Variants in NTM observed in about 807,000 individuals in gnomAD.
NTM encodes the protein neurotrimin, also known as IgLON family member 2.
Under a neutral mutation model 42.1 loss-of-function variants are expected in NTM, and 13 were observed. The observed-to-expected ratio is 0.31, with a 90% confidence interval of 0.20 to 0.49. The LOEUF is 0.49. Among genes scored for constraint, NTM ranks in the 20% least tolerant of loss-of-function variants. The pLI, the probability that NTM is intolerant of heterozygous loss-of-function variation, is 0.99. For missense variants in NTM, 373 were observed against 452.8 expected, an observed-to-expected ratio of 0.82 and a Z score of 1.60; for synonymous variants, 187 against 179.2, an observed-to-expected ratio of 1.04 and a Z score of -0.35.
At chr11:132,212,184 A>G (rs2082958011) in intron 4 of NTM, 37 bp downstream of exon 4, 1 of 1,586,146 alleles carries the variant, frequency 6.3e-7, no homozygotes, top group South Asian at 1.1e-5. Flanking sequence ...TCATGAGGAT[A>G]AATGGGGGAA....
intron 1 of NTM, among the ~76,000 whole-genome samples, chr11:131,864,059 G>T (rs1205442147): frequency 6.6e-6 from 1 of 152,126 alleles, no homozygotes; most frequent in Non-Finnish European, 1.5e-5. Context: ...GGTCAGGGAG[G>T]AAAGGAGGGA....
chr11:131,926,278 A>T (rs1427296065), intron 2 of NTM, among the ~76,000 whole-genome samples: 1 of 152,186 alleles, frequency 6.6e-6, no homozygotes, highest in East Asian at 1.9e-4. Flanking sequence ...AAGCTGCACA[A>T]CTGTACTTAG....
intron 1 of NTM, among the ~76,000 whole-genome samples, chr11:131,758,269 C>T (rs576081498): frequency 5.9e-5 from 9 of 152,028 alleles, no homozygotes; most frequent in Admixed American, 2.6e-4. Context: ...CCCTCCCCCC[C>T]GCCAACCCCG....
intron 1 of NTM, among the ~76,000 whole-genome samples, chr11:131,675,405 T>G (rs1344214940): frequency 6.6e-6 from 1 of 152,256 alleles, no homozygotes; most frequent in Admixed American, 6.5e-5. Flanking sequence ...TAATACAGAC[T>G]GAACCTTTGC....
At chr11:131,963,265 A>G (rs1386054411) in intron 2 of NTM, among the ~76,000 whole-genome samples, 1 of 152,202 alleles carries the variant, frequency 6.6e-6, no homozygotes, top group African/African-American at 2.4e-5. Context: ...GAGCAGCGCA[A>G]ATGGAGGCTA....
At chr11:132,085,541 A>G (rs993706582) in intron 2 of NTM, among the ~76,000 whole-genome samples, 1 of 152,248 alleles carries the variant, frequency 6.6e-6, no homozygotes, top group Non-Finnish European at 1.5e-5. Context: ...CAACATTTGC[A>G]TTTTACCAGT....
chr11:131,622,260 G>T (rs1257017946), intron 1 of NTM, among the ~76,000 whole-genome samples: 1 of 152,158 alleles, frequency 6.6e-6, no homozygotes, highest in African/African-American at 2.4e-5. Context: ...CCGTGAGCTG[G>T]TAAGAACAGA....
At chr11:132,246,325 AC>A (rs557864671) in intron 4 of NTM, among the ~76,000 whole-genome samples, 12 of 152,298 alleles carry the variant, frequency 7.9e-5, no homozygotes, top group Admixed American at 5.2e-4. Context: ...TGAAAGTCAA[AC>A]AGTTCGTTCT....
chr11:131,744,267 A>G (rs563813539), intron 1 of NTM, among the ~76,000 whole-genome samples: 1 of 152,230 alleles, frequency 6.6e-6, no homozygotes, highest in East Asian at 1.9e-4. Flanking sequence ...ATAATTTGCA[A>G]TTTAACATCT....
chr11:131,855,510 A>G (rs934032199), intron 1 of NTM, among the ~76,000 whole-genome samples: 2 of 152,208 alleles, frequency 1.3e-5, no homozygotes, highest in Non-Finnish European at 2.9e-5. Flanking sequence ...ACACAAAAAA[A>G]CAAAGCTTTC....
At chr11:131,568,741 G>A (rs1365370307) in intron 1 of NTM, among the ~76,000 whole-genome samples, 3 of 152,152 alleles carry the variant, frequency 2.0e-5, no homozygotes, top group Non-Finnish European at 4.4e-5. Context: ...ACGGCCAGTT[G>A]AGTATGGAGC....
intron 2 of NTM, among the ~76,000 whole-genome samples, chr11:132,103,920 A>C (rs1003277498): frequency 1.3e-5 from 2 of 152,238 alleles, no homozygotes; most frequent in Non-Finnish European, 2.9e-5. Context: ...AGTGGCCTTC[A>C]TCAGCAGACC....
chr11:132,296,176 T>C (rs2094602490), intron 4 of NTM, among the ~76,000 whole-genome samples: 1 of 152,102 alleles, frequency 6.6e-6, no homozygotes, highest in African/African-American at 2.4e-5. Flanking sequence ...CTGGGAAGCA[T>C]ACAGAGTAGG....
chr11:131,936,149 G>A (rs1489844648), intron 2 of NTM, among the ~76,000 whole-genome samples: 1 of 152,144 alleles, frequency 6.6e-6, no homozygotes, highest in Non-Finnish European at 1.5e-5. Context: ...AGCATTCTCA[G>A]TCTCTCAAGG....
intron 2 of NTM, among the ~76,000 whole-genome samples, chr11:132,035,586 A>G (rs143644661): frequency 6.6e-6 from 1 of 152,308 alleles, no homozygotes; most frequent in Non-Finnish European, 1.5e-5. Flanking sequence ...TCTGCAGATT[A>G]AATGTTTCAG....
chr11:132,329,940 T>C (rs2095764838), intron 7 of NTM, among the ~76,000 whole-genome samples: 1 of 152,174 alleles, frequency 6.6e-6, no homozygotes, highest in African/African-American at 2.4e-5. Flanking sequence ...GCTCACCTCT[T>C]GAGGCAACTG....
At chr11:131,822,965 CTTCT>C (rs966406002) in intron 1 of NTM, among the ~76,000 whole-genome samples, 37 of 152,224 alleles carry the variant, frequency 2.4e-4, no homozygotes, top group African/African-American at 6.5e-4. Context: ...TCCTTCCTTC[CTTCT>C]GTCTCCCTCC....
intron 2 of NTM, among the ~76,000 whole-genome samples, chr11:132,122,560 T>G (rs1477367299): frequency 6.6e-6 from 1 of 152,164 alleles, no homozygotes; most frequent in Admixed American, 6.5e-5. Context: ...AGAAGTCCCC[T>G]CTGTAAATGA....
chr11:131,725,374 A>G (rs789543), intron 1 of NTM, among the ~76,000 whole-genome samples: 41,536 of 152,108 alleles, frequency 0.27, 7,628 homozygotes, highest in African/African-American at 0.52. Flanking sequence ...CCTGATATAG[A>G]CAAATAAATT....
Sources: allele counts gnomAD v4.1 joint callset (sites outside exome capture counted in the v4.1 genomes callset), GRCh38; gene constraint gnomAD v4.1.1; transcripts MANE v1.5; gene names NCBI Gene and HGNC (gene_info 2026-07-23, HGNC 2026-07-21).